The following UGT2B4 variants were observed in gnomAD, a reference collection of about 807,000 sequenced individuals.
The protein encoded by UGT2B4 is UDP glucuronosyltransferase family 2 member B4, also known as UDP-glucuronosyltransferase 2B4.
A neutral mutation model predicts 49.8 loss-of-function variants in UGT2B4; 49 were observed. The ratio of observed to expected loss-of-function variants is 0.98; its 90% CI spans 0.78 to 1.25. The LOEUF is 1.25. Ranked by LOEUF, UGT2B4 falls within the 50% of genes most tolerant of loss-of-function variation. UGT2B4 has a pLI of 0.00. For synonymous variants in UGT2B4, 246 were observed against 217.7 expected (o/e 1.13, Z -1.14); for missense variants, 729 against 627.7 (o/e 1.16, Z -1.73).
intron 5 of UGT2B4, among the ~76,000 whole-genome samples, chr4:69,483,410 A>G (rs2109802637): frequency 6.6e-6 from 1 of 151,592 alleles, no homozygotes; most frequent in East Asian, 1.9e-4. Flanking sequence ...TTACATTACA[A>G]CATTACAATT....
intron 1 of UGT2B4, among the ~76,000 whole-genome samples, chr4:69,520,978 G>T (rs781044496): frequency 2.6e-5 from 4 of 152,148 alleles, no homozygotes; most frequent in Non-Finnish European, 2.9e-5. Context: ...GCCCACTCAT[G>T]TTCAGCCCAT....
chr4:69,489,591 T>C (rs1201192413), intron 2 of UGT2B4, 21 bp from the exon 3 acceptor site: 6 of 1,598,040 alleles, frequency 3.8e-6, no homozygotes, highest in Non-Finnish European at 5.1e-6. Context: ...AAAGAATTTG[T>C]TCTATCATAA....
chr4:69,493,074 A>C (rs1446796740), intron 2 of UGT2B4, among the ~76,000 whole-genome samples: 1 of 152,076 alleles, frequency 6.6e-6, no homozygotes, highest in African/African-American at 2.4e-5. Flanking sequence ...ATTCTTACTC[A>C]GTATCTTCCT....
At chr4:69,525,757 C>T (rs1227402828) in exon 1 of UGT2B4, 1 of 1,249,986 alleles carries the variant, frequency 8.0e-7, no homozygotes, top group Admixed American at 2.5e-5. Flanking sequence ...GCTCAAGCAG[C>T]TCACATGTTT....
intron 1 of UGT2B4, among the ~76,000 whole-genome samples, chr4:69,507,778 G>A (rs778869817): frequency 5.3e-5 from 8 of 152,066 alleles, no homozygotes; most frequent in Non-Finnish European, 8.8e-5. Context: ...CTATGCAATA[G>A]CATTCAGAAT....
At chr4:69,514,731 T>C (rs1428721381) in intron 1 of UGT2B4, among the ~76,000 whole-genome samples, 2 of 152,220 alleles carry the variant, frequency 1.3e-5, no homozygotes, top group Non-Finnish European at 2.9e-5. Context: ...GGTTTTGTCT[T>C]AATTTCTGTT....
At chr4:69,525,738 A>G (rs2109837554) in exon 1 of UGT2B4, 1 of 1,269,850 alleles carries the variant, frequency 7.9e-7, no homozygotes, top group South Asian at 1.3e-5. Context: ...ATTATGATGT[A>G]GTCCCTGTGC....
chr4:69,498,745 T>C (rs943872793), upstream of UGT2B4, among the ~76,000 whole-genome samples: 26 of 152,184 alleles, frequency 1.7e-4, no homozygotes, highest in African/African-American at 6.0e-4. Flanking sequence ...TGTGTCTATT[T>C]GATTCTTCTC....
In UGT2B4 at chr4:69,512,979, A is replaced by G. The variant is rs117340523; in HGVS notation, c.-106+12708T>C. Reference sequence around the variant, plus strand: ...TTTAAGTTCCTTGTAGAATCTGGATATGAGAACTTTGTCAGGTGGATAGAT... The same window carrying G: ...TTTAAGTTCCTTGTAGAATCTGGATGTGAGAACTTTGTCAGGTGGATAGAT... On this transcript the variant is annotated intron_variant, in intron 1 of 1. Coordinates refer to the UGT2B4 transcript ENST00000510114. Among the ~76,000 whole-genome samples, 487 of 152,244 alleles carry G rather than the reference A, an allele frequency of 3.2e-3. 5 individuals carry two copies. Among genetic ancestry groups the G allele is most frequent in the East Asian group, 0.023 (117 of 5,174 alleles).
intron 1 of UGT2B4, among the ~76,000 whole-genome samples, chr4:69,502,539 A>G (rs1247916436): frequency 1.3e-5 from 2 of 152,052 alleles, no homozygotes. Flanking sequence ...TAGGGACTGG[A>G]GTGGGCCCCC....
intron 1 of UGT2B4, among the ~76,000 whole-genome samples, chr4:69,513,428 G>C (rs1728656499): frequency 6.6e-6 from 1 of 152,118 alleles, no homozygotes; most frequent in South Asian, 2.1e-4. Context: ...TCTCTATTCT[G>C]TTCCATTGCT....
intron 1 of UGT2B4, among the ~76,000 whole-genome samples, chr4:69,505,511 A>G (rs2109823994): frequency 6.6e-6 from 1 of 152,306 alleles, no homozygotes; most frequent in Admixed American, 6.5e-5. Flanking sequence ...CAACAAGAAG[A>G]TCTAATTATC....
At chr4:69,514,630 T>C (rs949147723) in intron 1 of UGT2B4, among the ~76,000 whole-genome samples, 2 of 152,188 alleles carry the variant, frequency 1.3e-5, no homozygotes, top group Non-Finnish European at 2.9e-5. Context: ...TTGAGATAGG[T>C]TCCCTCAATA....
intron 5 of UGT2B4, among the ~76,000 whole-genome samples, chr4:69,484,561 T>G (rs1437980098): frequency 6.6e-6 from 1 of 152,178 alleles, no homozygotes; most frequent in Admixed American, 6.6e-5. Flanking sequence ...TGATTCAGTT[T>G]ATATGAAATA....
At chr4:69,508,759 G>T (rs1370904671) in intron 1 of UGT2B4, among the ~76,000 whole-genome samples, 1 of 152,080 alleles carries the variant, frequency 6.6e-6, no homozygotes, top group East Asian at 1.9e-4. Context: ...AGGGCACTAG[G>T]CTTAATACCC....
At chr4:69,513,779 G>T (rs1373436111) in intron 1 of UGT2B4, among the ~76,000 whole-genome samples, 5 of 152,002 alleles carry the variant, frequency 3.3e-5, no homozygotes, top group Admixed American at 2.0e-4. Context: ...TCCTTGAAGA[G>T]TTCCTTCACT....
intron 1 of UGT2B4, among the ~76,000 whole-genome samples, chr4:69,504,299 G>A (rs1192838427): frequency 6.6e-6 from 1 of 152,098 alleles, no homozygotes. Context: ...CAAGTACATT[G>A]TAACCCAAAA....
intron 1 of UGT2B4, among the ~76,000 whole-genome samples, chr4:69,506,972 A>C (rs964306747): frequency 6.6e-6 from 1 of 152,172 alleles, no homozygotes; most frequent in Non-Finnish European, 1.5e-5. Context: ...AAATACAAAA[A>C]CTACATGATT....
At chr4:69,512,666 C>T (rs1027024554) in intron 1 of UGT2B4, among the ~76,000 whole-genome samples, 2 of 152,146 alleles carry the variant, frequency 1.3e-5, no homozygotes, top group African/African-American at 4.8e-5. Context: ...ATTTATACTC[C>T]AACCAACAGT....
Sources: allele counts gnomAD v4.1 joint callset (sites outside exome capture counted in the v4.1 genomes callset), GRCh38; gene constraint gnomAD v4.1.1; transcripts MANE v1.5; gene names NCBI Gene and HGNC (gene_info 2026-07-23, HGNC 2026-07-21).